The following RAB4A variants were observed in gnomAD, a reference collection of about 807,000 sequenced individuals.
The protein encoded by RAB4A is RAB4A, member RAS oncogene family, also known as ras-related protein Rab-4A.
RAB4A carries 20 observed loss-of-function variants against 34.5 expected under a neutral mutation model. That is an observed-to-expected ratio of 0.58 (90% confidence interval 0.41 to 0.84). The LOEUF is 0.84. Among genes scored for constraint, RAB4A ranks in the 40% least tolerant of loss-of-function variants. RAB4A has a pLI of 0.00. For synonymous variants in RAB4A, 102 were observed against 100.0 expected (o/e 1.02, Z -0.12); for missense variants, 228 against 274.5 (o/e 0.83, Z 1.20).
At chr1:229,275,411 T>A (rs1305401104) in intron 1 of RAB4A, among the ~76,000 whole-genome samples, 1 of 152,120 alleles carries the variant, frequency 6.6e-6, no homozygotes, top group African/African-American at 2.4e-5. Context: ...GCACTCTGAA[T>A]TTGAATGCCC....
intron 1 of RAB4A, among the ~76,000 whole-genome samples, chr1:229,286,208 C>T (rs1472067124): frequency 6.6e-6 from 1 of 152,182 alleles, no homozygotes; most frequent in African/African-American, 2.4e-5. Context: ...AGCAAAGGGA[C>T]AAGTTTTATT....
intron 3 of RAB4A, among the ~76,000 whole-genome samples, chr1:229,291,618 C>G (rs1006491365): frequency 6.6e-6 from 1 of 152,122 alleles, no homozygotes; most frequent in Admixed American, 6.5e-5. Flanking sequence ...GTTTGTTTCC[C>G]CTGTGCCCAG....
In RAB4A at chr1:229,304,762, A is replaced by G. The variant is rs1379139289; in HGVS notation, c.*969A>G. 1 of 153,658 alleles carries G rather than the reference A, an allele frequency of 6.5e-6. No individual in the cohort carries two copies. Among genetic ancestry groups the G allele is most frequent in the Non-Finnish European group, 1.4e-5 (1 of 69,046 alleles). 9.5% of individuals were successfully genotyped at this position (153,658 alleles called of 1,614,324 possible). A position where few individuals can be genotyped will look rare whatever the true frequency, so the allele number is the denominator to read the frequency against. ...ACTAAATCCAGTTAATATTAAATGG[A>G]CACCACTCATTAAGAAATTTCTTTA... On this transcript the variant is annotated 3_prime_UTR_variant, in exon 8 of 8. Coordinates refer to ENST00000366690, the MANE Select transcript of RAB4A (RefSeq NM_004578.4).
At chr1:229,287,264 TA>T (rs1193437371) in intron 2 of RAB4A, among the ~76,000 whole-genome samples, 2 of 152,216 alleles carry the variant, frequency 1.3e-5, no homozygotes, top group East Asian at 3.9e-4. Flanking sequence ...AGGTGGTGGG[TA>T]AAAAGGAGAA....
chr1:229,271,895 G>A (rs2102828860), intron 1 of RAB4A, among the ~76,000 whole-genome samples: 1 of 152,244 alleles, frequency 6.6e-6, no homozygotes, highest in East Asian at 1.9e-4. Flanking sequence ...GAGACCTCTT[G>A]CTTCGTTTAT....
chr1:229,302,301 ATATATATATTTTTTTT>A (rs1657427086), intron 6 of RAB4A, among the ~76,000 whole-genome samples: 1 of 40,526 alleles, frequency 2.5e-5, no homozygotes, highest in Non-Finnish European at 4.7e-5. Context: ...ATATATATAT[ATATATATATTTTTTTT>A]TTTTTTTTAC....
chr1:229,271,391 G>T (rs1656468189), intron 1 of RAB4A, 21 bp downstream of exon 1: 1 of 1,221,634 alleles, frequency 8.2e-7, no homozygotes, highest in South Asian at 3.7e-5. Flanking sequence ...CGGGCTGGCG[G>T]GGCGCGCGGG....
At chr1:229,278,390 CA>C (rs1656702332) in intron 1 of RAB4A, among the ~76,000 whole-genome samples, 1 of 152,188 alleles carries the variant, frequency 6.6e-6, no homozygotes, top group African/African-American at 2.4e-5. Flanking sequence ...TAATACTTAG[CA>C]ATCATTTTTC....
chr1:229,274,018 G>A (rs1656572150), intron 1 of RAB4A, among the ~76,000 whole-genome samples: 1 of 150,618 alleles, frequency 6.6e-6, no homozygotes, highest in Non-Finnish European at 1.5e-5. Context: ...ACAGAGAGAT[G>A]AGGAATGAAA....
At chr1:229,294,009 A>T (rs961435376) in intron 3 of RAB4A, among the ~76,000 whole-genome samples, 7 of 152,116 alleles carry the variant, frequency 4.6e-5, no homozygotes, top group Non-Finnish European at 1.0e-4. Context: ...CAGACACAGG[A>T]TTTGTGTAGT....
intron 1 of RAB4A, among the ~76,000 whole-genome samples, chr1:229,278,261 CTT>C (rs1187163542): frequency 6.6e-6 from 1 of 152,212 alleles, no homozygotes; most frequent in Non-Finnish European, 1.5e-5. Context: ...ACTACACACA[CTT>C]TGCACAGCTC....
chr1:229,278,420 T>C (rs1656702904), intron 1 of RAB4A, among the ~76,000 whole-genome samples: 2 of 152,110 alleles, frequency 1.3e-5, no homozygotes, highest in Admixed American at 1.3e-4. Flanking sequence ...GCCACCTCTC[T>C]CTCCACATCA....
chr1:229,286,641 A>C, intron 2 of RAB4A, 75 bp downstream of exon 2: 1 of 936,294 alleles, frequency 1.1e-6, no homozygotes, highest in South Asian at 1.8e-5. Flanking sequence ...GTTTACAGTA[A>C]ACTTAATTTT....
chr1:229,291,001 G>GT (rs1372116765), intron 3 of RAB4A, among the ~76,000 whole-genome samples: 2 of 152,136 alleles, frequency 1.3e-5, no homozygotes, highest in African/African-American at 4.8e-5. Flanking sequence ...TGAAATTTCA[G>GT]AACACCACAG....
chr1:229,296,565 A>G (rs1413991572), intron 4 of RAB4A, among the ~76,000 whole-genome samples: 1 of 152,250 alleles, frequency 6.6e-6, no homozygotes, highest in African/African-American at 2.4e-5. Context: ...ATATCAGGAC[A>G]GATTATAGAA....
rs1412915834 is a variant in RAB4A, at chr1:229,302,972, T to G, written c.652T>G (p.Cys218Gly). Residue 218 changes from cysteine (C) to glycine (G), a missense_variant, in exon 7 of 8, where the codon TGT becomes GGT. Cys to Gly is a radical substitution (Grantham distance 159). Transcript: ENST00000366690. ...AQAPNAQECG[C>G] ...GGCCCCGAACGCTCAGGAGTGTGGT[T>G]GTTAGGAGAGCACACAGGTGGGTTT... 5 of 1,613,232 alleles carry G rather than the reference T, an allele frequency of 3.1e-6. No individual in the cohort carries two copies. Among genetic ancestry groups the G allele is most frequent in the South Asian group, 2.2e-5 (2 of 91,034 alleles).
At chr1:229,278,756 A>G (rs933845682) in intron 1 of RAB4A, among the ~76,000 whole-genome samples, 4 of 152,136 alleles carry the variant, frequency 2.6e-5, no homozygotes, top group African/African-American at 9.7e-5. Flanking sequence ...ACTGCTTATA[A>G]GAGCTGTCAG....
intron 3 of RAB4A, among the ~76,000 whole-genome samples, chr1:229,294,700 C>T (rs1447663471): frequency 6.6e-6 from 1 of 152,070 alleles, no homozygotes; most frequent in African/African-American, 2.4e-5. Context: ...ATTAGCCAGG[C>T]GTGGTGGCGG....
chr1:229,297,599 T>TA lies in RAB4A; in HGVS notation c.409dup (p.Thr137AsnfsTer13), dbSNP rs1170450682. The stretch of plus-strand genomic sequence containing the variant: ...AGGACCTGGATGCAGATCGTGAAGT[T>TA]ACCTTCTTAGAAGCCTCCAGATTTG... On this transcript the variant is annotated frameshift_variant, in exon 5 of 8. Coordinates refer to ENST00000366690, the MANE Select transcript of RAB4A (RefSeq NM_004578.4). LOFTEE classifies it high-confidence loss of function. 6.2e-7 allele frequency: 1 copy of TA among 1,611,052 alleles called. No homozygotes were observed. Among genetic ancestry groups the TA allele is most frequent in the Admixed American group, 1.7e-5 (1 of 58,840 alleles).
Sources: allele counts gnomAD v4.1 joint callset (sites outside exome capture counted in the v4.1 genomes callset), GRCh38; gene constraint gnomAD v4.1.1; transcripts MANE v1.5; gene names NCBI Gene and HGNC (gene_info 2026-07-23, HGNC 2026-07-21).